The following SPOCK3 variants were observed in gnomAD, a reference collection of about 807,000 sequenced individuals.
SPOCK3 encodes testican-3.
SPOCK3 carries 30 observed loss-of-function variants against 56.6 expected under a neutral mutation model. That is an observed-to-expected ratio of 0.53 (90% CI 0.40 to 0.72). The LOEUF is 0.72. Among genes scored for constraint, SPOCK3 ranks in the 30% least tolerant of loss-of-function variants. The pLI is 0.00. For synonymous variants in SPOCK3, 196 were observed against 183.3 expected (o/e 1.07, Z -0.56); for missense variants, 527 against 530.0 (o/e 0.99, Z 0.06).
At chr4:166,996,661 A>G (rs1225808479) in intron 4 of SPOCK3, among the ~76,000 whole-genome samples, 1 of 152,160 alleles carries the variant, frequency 6.6e-6, no homozygotes, top group Non-Finnish European at 1.5e-5. Context: ...AGTTAGCACA[A>G]TGACAAAGAT....
intron 4 of SPOCK3, among the ~76,000 whole-genome samples, chr4:166,993,062 C>A (rs1417045280): frequency 1.3e-5 from 2 of 152,122 alleles, no homozygotes; most frequent in African/African-American, 2.4e-5. Context: ...TCTTGGTATA[C>A]AAGATTCAGA....
chr4:166,792,049 A>G, intron 7 of SPOCK3, 121 bp downstream of exon 7: 1 of 1,142,558 alleles, frequency 8.8e-7, no homozygotes, highest in Non-Finnish European at 1.2e-6. Context: ...TAACGTTCTG[A>G]TTTTTATTCA....
At chr4:167,054,279 C>A (rs1754548822) in intron 3 of SPOCK3, among the ~76,000 whole-genome samples, 1 of 152,188 alleles carries the variant, frequency 6.6e-6, no homozygotes, top group African/African-American at 2.4e-5. Context: ...ACAAACAAGG[C>A]AGATTTAACA....
chr4:166,770,674 A>G (rs150056320), intron 7 of SPOCK3, among the ~76,000 whole-genome samples: 222 of 152,350 alleles, frequency 1.5e-3, no homozygotes, highest in Non-Finnish European at 2.6e-3. Context: ...ACACAACCGT[A>G]TTGACAATCA....
chr4:166,736,178 C>T (rs1734200719), intron 10 of SPOCK3, among the ~76,000 whole-genome samples: 2 of 152,054 alleles, frequency 1.3e-5, no homozygotes, highest in South Asian at 2.1e-4. Context: ...ATATTTAGTT[C>T]TCCAACTTCA....
intron 4 of SPOCK3, among the ~76,000 whole-genome samples, chr4:166,995,541 T>A (rs1417717145): frequency 2.7e-5 from 4 of 149,890 alleles, no homozygotes; most frequent in Admixed American, 2.0e-4. Flanking sequence ...TGATTTCAAA[T>A]CTGAAATCTA....
chr4:166,999,729 C>T (rs891999386), intron 4 of SPOCK3, among the ~76,000 whole-genome samples: 1 of 152,170 alleles, frequency 6.6e-6, no homozygotes, highest in East Asian at 1.9e-4. Flanking sequence ...ACTACACAGG[C>T]TATTTCTAAA....
chr4:166,982,149 C>T (rs1487510406), intron 4 of SPOCK3, among the ~76,000 whole-genome samples: 2 of 152,138 alleles, frequency 1.3e-5, no homozygotes, highest in African/African-American at 4.8e-5. Context: ...TTCCTAACTC[C>T]CCTCTGGCTC....
At chr4:167,004,747 G>A (rs779558611) in intron 3 of SPOCK3, among the ~76,000 whole-genome samples, 35 of 152,164 alleles carry the variant, frequency 2.3e-4, no homozygotes, top group East Asian at 5.8e-4. Context: ...GAAATTGGTC[G>A]AAATAAAAGA....
At chr4:167,093,975 T>C (rs1034177870) in intron 2 of SPOCK3, among the ~76,000 whole-genome samples, 1 of 152,076 alleles carries the variant, frequency 6.6e-6, no homozygotes, top group Non-Finnish European at 1.5e-5. Flanking sequence ...ATGTACAGAG[T>C]AAATAGACTA....
chr4:167,186,795 G>T (rs1732010474), intron 2 of SPOCK3, among the ~76,000 whole-genome samples: 1 of 151,798 alleles, frequency 6.6e-6, no homozygotes. Context: ...TGGCCAACAT[G>T]GTGAAACCCC....
chr4:167,038,997 C>T (rs923207140), intron 3 of SPOCK3, among the ~76,000 whole-genome samples: 5 of 152,090 alleles, frequency 3.3e-5, no homozygotes, highest in Non-Finnish European at 7.4e-5. Flanking sequence ...AAAAAACAGA[C>T]ATTTATTATG....
chr4:166,867,858 T>C (rs1037920818), intron 6 of SPOCK3, among the ~76,000 whole-genome samples: 8 of 151,882 alleles, frequency 5.3e-5, no homozygotes, highest in African/African-American at 1.9e-4. Context: ...AAAAATATTC[T>C]TGACTGCCAA....
chr4:166,993,002 T>A (rs983952606), intron 4 of SPOCK3, among the ~76,000 whole-genome samples: 1 of 152,154 alleles, frequency 6.6e-6, no homozygotes, highest in African/African-American at 2.4e-5. Flanking sequence ...CTGCTCTATT[T>A]GCCCTCTTCT....
intron 5 of SPOCK3, among the ~76,000 whole-genome samples, chr4:166,892,195 G>A (rs528192966): frequency 6.6e-6 from 1 of 151,890 alleles, no homozygotes; most frequent in Non-Finnish European, 1.5e-5. Context: ...GTTTCAGCTT[G>A]TAGCTTTCTT....
chr4:167,124,904 G>C (rs1465722517), intron 2 of SPOCK3, among the ~76,000 whole-genome samples: 2 of 152,064 alleles, frequency 1.3e-5, no homozygotes, highest in Non-Finnish European at 2.9e-5. Flanking sequence ...AAGGTCTTGC[G>C]GTCTTGGCTC....
intron 5 of SPOCK3, among the ~76,000 whole-genome samples, chr4:166,904,469 T>C (rs1393278083): frequency 6.6e-6 from 1 of 152,100 alleles, no homozygotes; most frequent in Non-Finnish European, 1.5e-5. Context: ...AAAGGTACTG[T>C]ACATACACTT....
chr4:167,009,743 A>T (rs1749839970), intron 3 of SPOCK3, among the ~76,000 whole-genome samples: 1 of 152,180 alleles, frequency 6.6e-6, no homozygotes, highest in South Asian at 2.1e-4. Flanking sequence ...TCCAAATTTA[A>T]TCCACTCAAA....
intron 6 of SPOCK3, among the ~76,000 whole-genome samples, chr4:166,867,891 A>C (rs1374767652): frequency 6.6e-6 from 1 of 151,914 alleles, no homozygotes; most frequent in Admixed American, 6.6e-5. Flanking sequence ...CCAGAAAAAA[A>C]GTTTGTTTTA....
Sources: allele counts gnomAD v4.1 joint callset (sites outside exome capture counted in the v4.1 genomes callset), GRCh38; gene constraint gnomAD v4.1.1; transcripts MANE v1.5; gene names NCBI Gene and HGNC (gene_info 2026-07-23, HGNC 2026-07-21).